The following TRMT11 variants were observed in gnomAD, a reference collection of about 807,000 sequenced individuals.
The protein encoded by TRMT11 is tRNA (guanine(10)-N(2))-methyltransferase TRMT11.
TRMT11 carries 53 observed loss-of-function variants against 62.8 expected under a neutral mutation model. The ratio of observed to expected loss-of-function variants is 0.84; its 90% CI spans 0.68 to 1.06. TRMT11 has a LOEUF of 1.06. Ranked by LOEUF, TRMT11 falls within the 50% of genes least tolerant of loss-of-function variation. The pLI, the probability that TRMT11 is intolerant of heterozygous loss-of-function variation, is 0.00. For synonymous variants in TRMT11, 188 were observed against 190.3 expected (o/e 0.99, Z 0.10); for missense variants, 556 against 553.4 (o/e 1.00, Z -0.05).
chr6:126,224,797 G>A, the TRMT11 span, among the ~76,000 whole-genome samples: 1 of 152,220 alleles, frequency 6.6e-6, no homozygotes, highest in South Asian at 2.1e-4. Context: ...CATGCCAGTG[G>A]CAGTGGGGCA....
In TRMT11 at chr6:126,151,905, C is replaced by T. The variant is rs1294948330; in HGVS notation, c.*1824-22920C>T. Among the ~76,000 whole-genome samples, 645 of 80,244 alleles carry T rather than the reference C, an allele frequency of 8.0e-3. 22 individuals carry two copies. The highest frequency in any genetic ancestry group is 0.014 in the South Asian group (24 of 1,710). The allele number at this position is 80,244 out of a possible 152,430, so 52.6% of individuals were successfully genotyped here. ...CCTTCCTTGTCTTTTTCTTTCTTTT[C>T]TCTTTCTTTCTTTCTTTCTTTCTTT... On this transcript the variant is annotated intron_variant and NMD_transcript_variant, in intron 21 of 22. Coordinates refer to the TRMT11 transcript ENST00000648977.
At chr6:126,159,612 A>C (rs561374652) in intron 21 of TRMT11, among the ~76,000 whole-genome samples, 1 of 152,330 alleles carries the variant, frequency 6.6e-6, no homozygotes, top group South Asian at 2.1e-4. Context: ...TTCATGTTTT[A>C]GTTTCCTATG....
chr6:126,206,449 G>A (rs1252668635), downstream of TRMT11, among the ~76,000 whole-genome samples: 1 of 152,196 alleles, frequency 6.6e-6, no homozygotes, highest in Non-Finnish European at 1.5e-5. Context: ...ACTTTGAGTA[G>A]CAAGGGTTAG....
At chr6:126,053,713 C>A (rs796356875) in intron 17 of TRMT11, among the ~76,000 whole-genome samples, 3 of 151,928 alleles carry the variant, frequency 2.0e-5, no homozygotes, top group African/African-American at 4.8e-5. Context: ...TGTGTCCTCT[C>A]GAGAGCTTCG....
At chr6:126,176,615 T>C (rs778907278), upstream of TRMT11, among the ~76,000 whole-genome samples, 20 of 152,206 alleles carry the variant, frequency 1.3e-4, no homozygotes, top group Non-Finnish European at 2.6e-4. Flanking sequence ...ATCTATAATC[T>C]AATTTTCCTA....
At chr6:125,991,402 C>T (rs983942372) in intron 1 of TRMT11, among the ~76,000 whole-genome samples, 2 of 151,928 alleles carry the variant, frequency 1.3e-5, no homozygotes, top group Non-Finnish European at 2.9e-5. Flanking sequence ...AGGTGCACCA[C>T]TATGTCTGGC....
At chr6:126,221,602 G>A in the TRMT11 span, among the ~76,000 whole-genome samples, 1 of 151,974 alleles carries the variant, frequency 6.6e-6, no homozygotes. Context: ...ATTTTAATGA[G>A]ATTATTTGCT....
At chr6:126,260,523 G>A in the TRMT11 span, among the ~76,000 whole-genome samples, 1 of 152,082 alleles carries the variant, frequency 6.6e-6, no homozygotes, top group Non-Finnish European at 1.5e-5. Flanking sequence ...CTACTGGTGA[G>A]CTTTATACCT....
the TRMT11 span, among the ~76,000 whole-genome samples, chr6:126,223,382 C>T: frequency 1.3e-5 from 2 of 152,166 alleles, no homozygotes; most frequent in East Asian, 3.9e-4. Context: ...GATCGCGTCA[C>T]TGCACTCCAG....
downstream of TRMT11, among the ~76,000 whole-genome samples, chr6:126,043,816 A>ATT (rs1350937841): frequency 1.3e-5 from 2 of 150,976 alleles, no homozygotes; most frequent in African/African-American, 4.8e-5. Context: ...GATGGTGAGC[A>ATT]TTTTTTCATG....
intron 17 of TRMT11, among the ~76,000 whole-genome samples, chr6:126,078,225 G>A (rs1031949643): frequency 6.6e-6 from 1 of 152,168 alleles, no homozygotes; most frequent in Non-Finnish European, 1.5e-5. Context: ...TGGGAAAATT[G>A]CCTGTGAAAT....
chr6:126,242,707 G>A, the TRMT11 span, among the ~76,000 whole-genome samples: 2 of 152,198 alleles, frequency 1.3e-5, no homozygotes, highest in Non-Finnish European at 2.9e-5. Flanking sequence ...TTAATAAATG[G>A]TTCTGGGAAA....
intron 17 of TRMT11, among the ~76,000 whole-genome samples, chr6:126,069,214 G>A (rs1015097463): frequency 1.3e-5 from 2 of 152,208 alleles, no homozygotes; most frequent in African/African-American, 4.8e-5. Context: ...GGCCATAAAT[G>A]TTGGGCCACA....
At chr6:126,071,374 T>C (rs1233268760) in intron 17 of TRMT11, among the ~76,000 whole-genome samples, 1 of 152,124 alleles carries the variant, frequency 6.6e-6, no homozygotes, top group Admixed American at 6.5e-5. Context: ...TTTTTTTGTT[T>C]ACCAAATTGC....
chr6:126,268,388 G>A, the TRMT11 span, among the ~76,000 whole-genome samples: 1 of 152,154 alleles, frequency 6.6e-6, no homozygotes, highest in Admixed American at 6.5e-5. Flanking sequence ...AGTTGAGCTG[G>A]GGAGGTGAAC....
chr6:126,162,139 C>G (rs1010847243), intron 21 of TRMT11, among the ~76,000 whole-genome samples: 2 of 152,120 alleles, frequency 1.3e-5, no homozygotes, highest in Non-Finnish European at 2.9e-5. Context: ...TTTGCCCATG[C>G]CTATGTCCTG....
chr6:126,065,581 T>C (rs2128132481), intron 17 of TRMT11, among the ~76,000 whole-genome samples: 1 of 152,336 alleles, frequency 6.6e-6, no homozygotes, highest in East Asian at 1.9e-4. Context: ...CTTGAGAAAA[T>C]GACAGTTTCT....
chr6:126,038,446 A>AG (rs1025671823), intron 12 of TRMT11, among the ~76,000 whole-genome samples: 3 of 150,426 alleles, frequency 2.0e-5, no homozygotes, highest in South Asian at 4.2e-4. Context: ...GCAAAAAAAA[A>AG]AAAAAAAGAA....
chr6:126,147,517 C>T (rs1478928726), intron 21 of TRMT11, among the ~76,000 whole-genome samples: 1 of 152,142 alleles, frequency 6.6e-6, no homozygotes, highest in Non-Finnish European at 1.5e-5. Flanking sequence ...CTGCATTCCA[C>T]GAACCAGGAA....
Sources: allele counts gnomAD v4.1 joint callset (sites outside exome capture counted in the v4.1 genomes callset), GRCh38; gene constraint gnomAD v4.1.1; transcripts MANE v1.5; gene names NCBI Gene and HGNC (gene_info 2026-07-23, HGNC 2026-07-21).